The following CTDP1 variants were observed in gnomAD, a reference collection of about 807,000 sequenced individuals.
CTDP1 encodes the protein CTD phosphatase 1.
In CTDP1, 47 loss-of-function variants were observed where a neutral mutation model predicts 91.8. That is an observed-to-expected ratio of 0.51 (90% CI 0.41 to 0.65). The LOEUF (loss-of-function observed/expected upper bound fraction) is 0.65. Ranked by LOEUF, CTDP1 falls within the 30% of genes least tolerant of loss-of-function variation. The probability of loss-of-function intolerance (pLI) is 0.00; values close to 1 mark genes in which losing one functional copy is unlikely to be tolerated. For missense variants in CTDP1, 1,272 were observed against 1,373.7 expected (o/e 0.93, Z 1.17); for synonymous variants, 656 against 598.5 (o/e 1.10, Z -1.40).
intron 10 of CTDP1, among the ~76,000 whole-genome samples, chr18:79,723,704 C>T (rs1448913918): frequency 3.9e-5 from 6 of 152,200 alleles, no homozygotes; most frequent in Non-Finnish European, 5.9e-5. Context: ...AGGCTCACCA[C>T]TAGGACCCAC....
At chr18:79,683,940 G>C (rs890379073) in intron 1 of CTDP1, among the ~76,000 whole-genome samples, 1 of 152,212 alleles carries the variant, frequency 6.6e-6, no homozygotes, top group Non-Finnish European at 1.5e-5. Context: ...ACCCACTGTT[G>C]TTCCTTTATC....
intron 8 of CTDP1, 139 bp from the exon 9 acceptor site, chr18:79,717,396 C>T: frequency 7.9e-7 from 1 of 1,261,414 alleles, no homozygotes; most frequent in East Asian, 2.4e-5. Context: ...GGTGAAGGCC[C>T]TGGTGGGATG....
Position 79,714,813 on chromosome 18 carries a change from C to T in CTDP1, c.1353C>T (p.Asp451=). Reference sequence around the variant, plus strand: ...AGGGTGCCACGGGCACTGACCTGGACTTTGACTTATCCAGCGACAGCGAGA... The same window carrying T: ...AGGGTGCCACGGGCACTGACCTGGATTTTGACTTATCCAGCGACAGCGAGA... ...PAQGATGTDL[D]FDLSSDSESS... Residue 451 remains aspartate, a synonymous_variant, in exon 8 of 13, where the codon GAC becomes GAT. Coordinates refer to ENST00000613122, the MANE Select transcript of CTDP1 (RefSeq NM_004715.5). The T allele has an allele frequency of 6.2e-7, 1 of 1,603,156 alleles. No homozygotes were observed. Among genetic ancestry groups the T allele is most frequent in the East Asian group, 2.2e-5 (1 of 44,494 alleles).
At chr18:79,723,830 C>T (rs1326162621) in intron 10 of CTDP1, among the ~76,000 whole-genome samples, 2 of 152,200 alleles carry the variant, frequency 1.3e-5, no homozygotes, top group East Asian at 3.9e-4. Context: ...CCCTGCACCG[C>T]GCCCTCTCCG....
chr18:79,715,775 C>T (rs972830798), intron 8 of CTDP1, among the ~76,000 whole-genome samples: 6 of 152,230 alleles, frequency 3.9e-5, no homozygotes, highest in Non-Finnish European at 8.8e-5. Context: ...AAAGTTCAAC[C>T]TTCTCCCTGG....
rs1413557226 is a variant in CTDP1 at position 79,713,307 on chromosome 18, A to G, written c.1030+169A>G. Among the ~76,000 whole-genome samples, 1 of 152,208 alleles carries G rather than the reference A, an allele frequency of 6.6e-6. No individual in the cohort carries two copies. Among genetic ancestry groups the G allele is most frequent in the Non-Finnish European group, 1.5e-5 (1 of 68,038 alleles). On this transcript the variant is annotated intron_variant, in intron 7 of 12. Transcript: ENST00000613122. This position sits in a 1 kb window ranked among gnomAD's most constrained non-coding sequence, Gnocchi z 4.7. ...TTTATAGAGTACTGAAAAACAGGAT[A>G]TTAGGTTGTTTCAATTTGGGCTTTA...
intron 6 of CTDP1, among the ~76,000 whole-genome samples, chr18:79,711,529 A>G (rs1011110059): frequency 1.3e-5 from 2 of 152,126 alleles, no homozygotes; most frequent in African/African-American, 4.8e-5. Context: ...TGGGCAGAGG[A>G]ATGTGAATAG....
chr18:79,734,337 C>G (rs749676792), intron 11 of CTDP1, among the ~76,000 whole-genome samples: 2 of 152,318 alleles, frequency 1.3e-5, no homozygotes, highest in Middle Eastern at 3.4e-3. Flanking sequence ...AAAAACAAGC[C>G]CAGGAAAGGT....
chr18:79,679,685 C>T, upstream of CTDP1: 1 of 531,180 alleles, frequency 1.9e-6, no homozygotes, highest in African/African-American at 1.9e-5. Flanking sequence ...TTCTTCACGG[C>T]CGGCACGCAG....
intron 4 of CTDP1, among the ~76,000 whole-genome samples, chr18:79,698,842 G>A (rs1043597153): frequency 3.9e-5 from 6 of 152,170 alleles, no homozygotes; most frequent in Admixed American, 2.0e-4. Context: ...CCACGGAGCC[G>A]GGCATCCTCC....
chr18:79,709,448 G>A (rs1199016788), intron 5 of CTDP1, among the ~76,000 whole-genome samples: 4 of 152,236 alleles, frequency 2.6e-5, no homozygotes, highest in Non-Finnish European at 4.4e-5. Context: ...GATTTTCACA[G>A]TGGTGCTTCC....
In CTDP1 at chr18:79,715,210, A is replaced by G. The variant is rs1351703368; in HGVS notation, c.1750A>G (p.Thr584Ala). The G allele has an allele frequency of 6.2e-7, 1 of 1,607,566 alleles. No homozygotes were observed. The highest frequency in any genetic ancestry group is 2.3e-5 in the East Asian group (1 of 44,140). Residue 584 changes from threonine to alanine, a missense_variant, in exon 8 of 13, where the codon ACG (threonine) becomes GCG (alanine). This residue lies in a region of CTDP1 where 881 missense variants were observed against 911.6 expected (regional missense o/e 0.97). Coordinates refer to ENST00000613122, the MANE Select transcript of CTDP1 (RefSeq NM_004715.5). ...QSMEEEEEED[T>A]DEDDHLIYLE... ...CATGGAGGAGGAGGAGGAGGAGGAC[A>G]CGGATGAGGATGACCACCTCATCTA... is the stretch of plus-strand genomic sequence containing the variant.
rs1221886659 is a variant in CTDP1, at chr18:79,704,618, AG to A, written c.622-147del. 2.2e-5 allele frequency: 22 copies of A among 999,676 alleles called. No homozygotes were observed. In the South Asian group the frequency reaches 2.2e-4, roughly 10 times the overall value. 61.9% of individuals were successfully genotyped at this position (999,676 alleles called of 1,614,324 possible). On this transcript the variant is annotated intron_variant, in intron 4 of 12. Transcript: ENST00000613122. ...CTGTCTCAGGCACCCGTGTGTCTTC[AG>A]GACGCCTGTCGGGCACACGCGTGTC...
intron 12 of CTDP1, among the ~76,000 whole-genome samples, chr18:79,739,020 T>C (rs1323054286): frequency 2.6e-5 from 4 of 152,214 alleles, no homozygotes; most frequent in African/African-American, 9.6e-5. Context: ...GGGTCAGGCC[T>C]GGGGAAGGCG....
chr18:79,700,195 A>G (rs1379900633), intron 4 of CTDP1, among the ~76,000 whole-genome samples: 1 of 152,164 alleles, frequency 6.6e-6, no homozygotes, highest in African/African-American at 2.4e-5. Flanking sequence ...GTGACCTCTG[A>G]GTGTTCAAGT....
intron 10 of CTDP1, among the ~76,000 whole-genome samples, chr18:79,724,022 A>T (rs553159320): frequency 1.3e-5 from 2 of 152,338 alleles, no homozygotes; most frequent in South Asian, 4.1e-4. Context: ...GGTTGTTTCC[A>T]GCCTTTGCTC....
intron 5 of CTDP1, among the ~76,000 whole-genome samples, chr18:79,705,174 C>T (rs970263947): frequency 6.6e-5 from 10 of 152,104 alleles, no homozygotes; most frequent in Admixed American, 3.9e-4. Context: ...CACATGGGCA[C>T]GTGGAAACTT....
intron 10 of CTDP1, among the ~76,000 whole-genome samples, chr18:79,720,922 T>C (rs2086332137): frequency 6.6e-6 from 1 of 152,180 alleles, no homozygotes; most frequent in Non-Finnish European, 1.5e-5. Flanking sequence ...TTTGATAATC[T>C]GCTGAATCGG....
intron 7 of CTDP1, among the ~76,000 whole-genome samples, chr18:79,714,267 C>T (rs1488412382): frequency 6.6e-6 from 1 of 152,140 alleles, no homozygotes; most frequent in East Asian, 1.9e-4. Flanking sequence ...AACGCAAATA[C>T]TCCAAACTCA....
Sources: gnomAD v4.1 joint callset for allele counts (sites outside exome capture counted in the v4.1 genomes callset) on GRCh38, gnomAD v4.1.1 for gene constraint, gnomAD v4.1.1 regional missense constraint, Gnocchi (gnomAD v3.1) non-coding constraint, MANE v1.5 for transcripts, NCBI Gene and HGNC (gene_info 2026-07-23, HGNC 2026-07-21) for gene names.